The following CPA4 variants were observed in gnomAD, a reference collection of about 807,000 sequenced individuals.
The protein encoded by CPA4 is carboxypeptidase A4.
A neutral mutation model predicts 54.7 loss-of-function variants in CPA4; 49 were observed. The observed-to-expected ratio is 0.90, with a 90% CI of 0.71 to 1.14. The LOEUF (loss-of-function observed/expected upper bound fraction) is 1.14, where lower values mean the gene tolerates loss of function less well. Ranked by LOEUF, CPA4 falls within the 50% of genes most tolerant of loss-of-function variation. CPA4 has a pLI of 0.00. For missense variants in CPA4, 487 were observed against 525.1 expected, an observed-to-expected ratio of 0.93 and a Z score of 0.71; for synonymous variants, 215 against 206.8, an observed-to-expected ratio of 1.04 and a Z score of -0.34.
chr7:130,317,542 A>G (rs903735746), intron 10 of CPA4, among the ~76,000 whole-genome samples: 3 of 152,186 alleles, frequency 2.0e-5, no homozygotes, highest in Non-Finnish European at 2.9e-5. Flanking sequence ...GGCTCACTGC[A>G]GCCTCGACTT....
At chr7:130,319,132 CT>C (rs1473494680) in intron 10 of CPA4, among the ~76,000 whole-genome samples, 1 of 152,198 alleles carries the variant, frequency 6.6e-6, no homozygotes, top group African/African-American at 2.4e-5. Context: ...CTCCTTTCTC[CT>C]GCCAGACTGT....
intron 5 of CPA4, 59 bp from the exon 6 acceptor site, chr7:130,305,757 G>A: frequency 8.5e-7 from 1 of 1,179,876 alleles, no homozygotes. Context: ...CTGGAGAGAG[G>A]AGAAGTGAGC....
intron 10 of CPA4, among the ~76,000 whole-genome samples, chr7:130,320,006 G>A (rs190110108): frequency 4.5e-4 from 68 of 152,246 alleles, no homozygotes; most frequent in African/African-American, 1.6e-3. Context: ...GTTCGGGGGC[G>A]GCTTCTGAGG....
In CPA4 at chr7:130,299,299, CA is replaced by C. The variant is rs779083563; in HGVS notation, c.182del (p.Asn61IlefsTer20). 9 of 1,613,808 alleles carry C rather than the reference CA, an allele frequency of 5.6e-6. No individual in the cohort carries two copies. Among genetic ancestry groups the C allele is most frequent in the Non-Finnish European group, 7.6e-6 (9 of 1,179,630 alleles). On this transcript the variant is annotated frameshift_variant, in exon 3 of 11. Transcript: ENST00000222482. LOFTEE classifies it high-confidence loss of function. ...ATTTCTGGAAATCTCCCTCCTCCTT[CA>C]ATCGGCCTGTGGATGTCCTGGTCCC... ...LNFWKSPSSFNRPVDVLVPSV... is the reference protein window; with the variant it reads ...LNFWKSPSSFXRPVDVLVPSV...
chr7:130,319,259 G>A (rs1794045766), intron 10 of CPA4, among the ~76,000 whole-genome samples: 1 of 152,164 alleles, frequency 6.6e-6, no homozygotes, highest in African/African-American at 2.4e-5. Context: ...CATCTGACTT[G>A]TGGATAACAC....
chr7:130,293,706 GGCTTTGC>G (rs1321338592), intron 1 of CPA4, among the ~76,000 whole-genome samples: 6 of 152,222 alleles, frequency 3.9e-5, no homozygotes, highest in African/African-American at 1.4e-4. Flanking sequence ...TAATGGCGAA[GGCTTTGC>G]AGAGCTGGTG....
rs577710091 is a variant in CPA4 at position 130,295,693 on chromosome 7, G to T, written c.68+2445G>T. On this transcript the variant is annotated intron_variant, in intron 1 of 10. Coordinates refer to ENST00000222482, the MANE Select transcript of CPA4 (RefSeq NM_016352.4). ...CTGTGCTTCTGTTCATAAGGATAAT[G>T]CTACCGCTGGGTGCAGTGGCTCACA... is the stretch of plus-strand genomic sequence containing the variant. 5.3e-5 allele frequency among the ~76,000 whole-genome samples: 8 copies of T among 152,292 alleles called. No homozygotes were observed. The East Asian group carries it at 1.4e-3, about 26-fold the overall frequency.
At chr7:130,298,166 T>G (rs929404725) in intron 1 of CPA4, among the ~76,000 whole-genome samples, 1 of 152,150 alleles carries the variant, frequency 6.6e-6, no homozygotes, top group Admixed American at 6.6e-5. Context: ...CTCGCCTGTT[T>G]TAAGACGGCA....
chr7:130,318,848 A>G (rs890136683), intron 10 of CPA4, among the ~76,000 whole-genome samples: 3 of 152,214 alleles, frequency 2.0e-5, no homozygotes, highest in Admixed American at 2.0e-4. Context: ...TGTGTGCTAC[A>G]TACACAGTCG....
At chr7:130,307,293 A>G (rs1793837345) in intron 7 of CPA4, among the ~76,000 whole-genome samples, 1 of 152,210 alleles carries the variant, frequency 6.6e-6, no homozygotes, top group Non-Finnish European at 1.5e-5. Context: ...TTAAAGGAAT[A>G]ATGGAAGTTC....
chr7:130,306,647 C>T, intron 6 of CPA4, 140 bp from the exon 7 acceptor site: 1 of 605,044 alleles, frequency 1.7e-6, no homozygotes, highest in Non-Finnish European at 2.9e-6. Context: ...CTGAGGGTGG[C>T]AGGGAGGCTT....
chr7:130,294,512 C>A (rs187120277), intron 1 of CPA4, among the ~76,000 whole-genome samples: 2 of 152,152 alleles, frequency 1.3e-5, no homozygotes, highest in Non-Finnish European at 2.9e-5. Context: ...GACTTGCTGC[C>A]GTGTGGGCTG....
intron 3 of CPA4, 71 bp from the exon 4 acceptor site, chr7:130,300,743 CAA>C: frequency 9.6e-7 from 1 of 1,044,138 alleles, no homozygotes. Flanking sequence ...GACCCATATG[CAA>C]AGATATGGCA....
chr7:130,296,265 G>A (rs923598491), intron 1 of CPA4, among the ~76,000 whole-genome samples: 1 of 152,174 alleles, frequency 6.6e-6, no homozygotes, highest in Non-Finnish European at 1.5e-5. Context: ...GATGGAACGG[G>A]CTTCACTCGG....
At chr7:130,299,546 G>C (rs1019241018) in intron 3 of CPA4, 142 bp downstream of exon 3, 9 of 710,952 alleles carry the variant, frequency 1.3e-5, no homozygotes, top group African/African-American at 1.8e-5. Flanking sequence ...GAAGTAAAGT[G>C]CAGTGACTTG....
chr7:130,301,688 G>A (rs941614226), intron 4 of CPA4, among the ~76,000 whole-genome samples: 4 of 152,164 alleles, frequency 2.6e-5, no homozygotes, highest in African/African-American at 4.8e-5. Flanking sequence ...TTCACAAGGC[G>A]TATACTTTGA....
At chr7:130,314,728 A>T (rs2117158331) in intron 10 of CPA4, among the ~76,000 whole-genome samples, 1 of 152,330 alleles carries the variant, frequency 6.6e-6, no homozygotes, top group South Asian at 2.1e-4. Context: ...AGTCCTGGAA[A>T]GTTCCTCGAA....
intron 4 of CPA4, among the ~76,000 whole-genome samples, chr7:130,304,113 G>C (rs926479968): frequency 6.6e-6 from 1 of 151,974 alleles, no homozygotes; most frequent in Non-Finnish European, 1.5e-5. Flanking sequence ...CAATCCTCCC[G>C]CCTCAGTCTC....
chr7:130,316,676 G>A (rs62489506), intron 10 of CPA4, among the ~76,000 whole-genome samples: 12,204 of 152,134 alleles, frequency 0.08, 625 homozygotes, highest in South Asian at 0.21. Context: ...GTTGGCTCAC[G>A]CCTGTAATCC....
Sources: allele counts gnomAD v4.1 joint callset (sites outside exome capture counted in the v4.1 genomes callset), GRCh38; gene constraint gnomAD v4.1.1; transcripts MANE v1.5; gene names NCBI Gene and HGNC (gene_info 2026-07-23, HGNC 2026-07-21).